PACRG: variants seen among roughly 807,000 people sequenced by gnomAD.
The protein encoded by PACRG is parkin coregulated.
Under a neutral mutation model 29.7 loss-of-function variants are expected in PACRG, and 29 were observed. The ratio of observed to expected loss-of-function variants is 0.98; its 90% CI spans 0.73 to 1.33. The LOEUF is 1.33. Among genes scored for constraint, PACRG ranks in the 40% most tolerant of loss-of-function variants. The probability of loss-of-function intolerance (pLI) is 0.00; values close to 1 mark genes in which losing one functional copy is unlikely to be tolerated. For synonymous variants in PACRG, 116 were observed against 118.7 expected (o/e 0.98, Z 0.15); for missense variants, 279 against 316.2 (o/e 0.88, Z 0.89).
intron 2 of PACRG, among the ~76,000 whole-genome samples, chr6:162,958,874 TATATATATATAGAGAGAG>T (rs1176483074): frequency 9.8e-4 from 44 of 44,796 alleles, no homozygotes; most frequent in African/African-American, 3.1e-3. Flanking sequence ...TATATATATA[TATATATATATAGAGAGAG>T]AGAGAGAGAG....
intron 1 of PACRG, among the ~76,000 whole-genome samples, chr6:162,773,219 T>C (rs1783358370): frequency 6.6e-6 from 1 of 150,668 alleles, no homozygotes; most frequent in Admixed American, 6.6e-5. Flanking sequence ...CAGACTTTAT[T>C]AAGAAAGAGG....
chr6:162,894,331 C>T (rs1203356591), intron 2 of PACRG, among the ~76,000 whole-genome samples: 1 of 152,190 alleles, frequency 6.6e-6, no homozygotes, highest in African/African-American at 2.4e-5. Flanking sequence ...TAAAACATGT[C>T]TTGCTCTCTA....
intron 4 of PACRG, among the ~76,000 whole-genome samples, chr6:163,204,356 A>G (rs1780817294): frequency 1.3e-5 from 2 of 152,030 alleles, no homozygotes; most frequent in Non-Finnish European, 2.9e-5. Flanking sequence ...ACTGCATTCA[A>G]TTTTCTCTAG....
In PACRG at chr6:162,889,261, T is replaced by C. The variant is rs962794341; in HGVS notation, c.291+74980T>C. Among the ~76,000 whole-genome samples, 4 of 152,306 alleles carry C rather than the reference T, an allele frequency of 2.6e-5. No homozygotes were observed. The East Asian group carries it at 5.8e-4, about 22-fold the overall frequency. On this transcript the variant is annotated intron_variant, in intron 2 of 4. Coordinates refer to ENST00000366888, the MANE Select transcript of PACRG (RefSeq NM_001080379.2). The stretch of plus-strand genomic sequence containing the variant: ...AGTCTGTTCAGATGATACCACATTT[T>C]CTACATCACTGATCCATTAAAAAAA...
intron 3 of PACRG, among the ~76,000 whole-genome samples, chr6:163,087,070 A>G (rs530940899): frequency 1.1e-4 from 17 of 152,252 alleles, no homozygotes; most frequent in African/African-American, 4.1e-4. Flanking sequence ...GTACCTTGAA[A>G]GACAGGTTGG....
chr6:163,089,167 A>C, intron 3 of PACRG, 92 bp from the exon 4 acceptor site: 1 of 1,364,608 alleles, frequency 7.3e-7, no homozygotes, highest in Non-Finnish European at 1.0e-6. Flanking sequence ...CAGTTTAATT[A>C]AATGCAACCA....
In PACRG at chr6:163,269,839, AAG is replaced by A. The variant is rs1476041230; in HGVS notation, c.614-44986_614-44985del. On this transcript the variant is annotated intron_variant, in intron 4 of 4. Coordinates refer to ENST00000366888, the MANE Select transcript of PACRG (RefSeq NM_001080379.2). ...AAGGAAGGAGAAAGAAAGAAAGAAA[AAG>A]AAAGAAAGAAAGAAAGAGAAAGAAA... 1.6e-4 allele frequency among the ~76,000 whole-genome samples: 6 copies of A among 38,172 alleles called. No individual in the cohort carries two copies. In the East Asian group the frequency reaches 3.0e-3, roughly 19 times the overall value. The allele number at this position is 38,172 out of a possible 152,430, so 25.0% of individuals were successfully genotyped here.
intron 2 of PACRG, among the ~76,000 whole-genome samples, chr6:162,829,466 C>T (rs913299541): frequency 2.6e-5 from 4 of 152,236 alleles, no homozygotes; most frequent in Admixed American, 2.0e-4. Context: ...TCATCCATCA[C>T]ACATTTCAGA....
intron 2 of PACRG, among the ~76,000 whole-genome samples, chr6:162,928,760 T>TC (rs1364289284): frequency 6.6e-6 from 1 of 151,694 alleles, no homozygotes; most frequent in Non-Finnish European, 1.5e-5. Flanking sequence ...TTTTATTTTC[T>TC]CCCCCTACTC....
intron 2 of PACRG, among the ~76,000 whole-genome samples, chr6:162,998,795 G>C (rs2128194946): frequency 6.6e-6 from 1 of 152,272 alleles, no homozygotes; most frequent in Admixed American, 6.5e-5. Context: ...TATGTTATAT[G>C]ATACCAAATG....
chr6:162,783,897 A>T (rs969738388), intron 1 of PACRG, among the ~76,000 whole-genome samples: 1 of 152,036 alleles, frequency 6.6e-6, no homozygotes, highest in African/African-American at 2.4e-5. Context: ...TTAACAGAAA[A>T]CTTCATCTCC....
At chr6:162,974,460 T>C (rs576871660) in intron 2 of PACRG, among the ~76,000 whole-genome samples, 34 of 152,338 alleles carry the variant, frequency 2.2e-4, no homozygotes, top group African/African-American at 7.9e-4. Flanking sequence ...TATATTTCTT[T>C]ATAGTACTTT....
At chr6:163,310,673 A>G (rs954235329) in intron 4 of PACRG, 1 of 152,170 alleles carries the variant, frequency 6.6e-6, no homozygotes, top group African/African-American at 2.4e-5. Context: ...TTCTCCTGTA[A>G]TAGTCATAAC....
intron 1 of PACRG, among the ~76,000 whole-genome samples, chr6:162,799,764 C>G (rs2128338959): frequency 6.6e-6 from 1 of 151,932 alleles, no homozygotes; most frequent in East Asian, 1.9e-4. Context: ...TTCAAATTTT[C>G]TATTAAAATA....
At chr6:163,070,634 A>C (rs1193849528) in intron 3 of PACRG, among the ~76,000 whole-genome samples, 1 of 152,064 alleles carries the variant, frequency 6.6e-6, no homozygotes, top group African/African-American at 2.4e-5. Context: ...GAAGGAAGGA[A>C]AGAAGGAATA....
intron 4 of PACRG, among the ~76,000 whole-genome samples, chr6:163,149,824 C>T (rs1778001509): frequency 6.6e-6 from 1 of 152,190 alleles, no homozygotes; most frequent in South Asian, 2.1e-4. Flanking sequence ...TCCTTCCCAC[C>T]CTGCGTTTCC....
chr6:163,097,897 A>G (rs1171228802), intron 4 of PACRG, among the ~76,000 whole-genome samples: 1 of 152,182 alleles, frequency 6.6e-6, no homozygotes, highest in Non-Finnish European at 1.5e-5. Flanking sequence ...CTGGGAGGGT[A>G]TGGAATGGGG....
upstream of PACRG, chr6:162,727,651 T>C: frequency 1.3e-6 from 2 of 1,584,466 alleles, no homozygotes; most frequent in Non-Finnish European, 1.7e-6. Flanking sequence ...ACCTGGCAGG[T>C]ACCCACGTAC....
At chr6:163,105,554 TA>T (rs1442622959) in intron 4 of PACRG, among the ~76,000 whole-genome samples, 5 of 152,148 alleles carry the variant, frequency 3.3e-5, no homozygotes, top group African/African-American at 1.2e-4. Flanking sequence ...TTGGGAAATT[TA>T]AAAAGTGGCT....
Sources: gnomAD v4.1 joint callset for allele counts (sites outside exome capture counted in the v4.1 genomes callset) on GRCh38, gnomAD v4.1.1 for gene constraint, MANE v1.5 for transcripts, NCBI Gene and HGNC (gene_info 2026-07-23, HGNC 2026-07-21) for gene names.